SH2D4B: variants seen among roughly 807,000 people sequenced by gnomAD.
The protein encoded by SH2D4B is SH2 domain-containing protein 4B.
SH2D4B carries 45 observed loss-of-function variants against 61.5 expected under a neutral mutation model. The observed-to-expected ratio is 0.73, with a 90% CI of 0.58 to 0.94. The LOEUF (loss-of-function observed/expected upper bound fraction) is 0.94, where lower values mean the gene tolerates loss of function less well. SH2D4B is among the 40% of genes least tolerant of loss of function. The pLI, the probability that SH2D4B is intolerant of heterozygous loss-of-function variation, is 0.00. For synonymous variants in SH2D4B, 224 were observed against 220.4 expected (o/e 1.02, Z -0.14); for missense variants, 572 against 574.2 (o/e 1.00, Z 0.04).
Position 80,588,759 on chromosome 10 carries a change from C to A in SH2D4B, c.625C>A (p.Arg209=), listed in dbSNP as rs762413892. 1 of 1,613,862 alleles carries A rather than the reference C, an allele frequency of 6.2e-7. No individual in the cohort carries two copies. Among genetic ancestry groups the A allele is most frequent in the Non-Finnish European group, 8.5e-7 (1 of 1,180,020 alleles). The stretch of plus-strand genomic sequence containing the variant: ...TTGCCAAGCCAGTGAGAAAGAGGAG[C>A]GAGAGTGGGAAGAACAGTGTGAGTA... ...LHCQASEKEE[R]EWEEQLRRSK... Residue 209 remains arginine (R), a synonymous_variant, in exon 4 of 8, where the codon CGA becomes AGA. Coordinates refer to ENST00000646907, the MANE Select transcript of SH2D4B (RefSeq NM_001388272.1).
At chr10:80,540,934 G>GGGTC in intron 1 of SH2D4B, 2 of 1,535,834 alleles carry the variant, frequency 1.3e-6, no homozygotes, top group Non-Finnish European at 1.8e-6. Flanking sequence ...CCAGATGCTG[G>GGGTC]TGAGACCCCA....
chr10:80,556,963 C>A (rs1342233955), intron 1 of SH2D4B, among the ~76,000 whole-genome samples: 1 of 152,102 alleles, frequency 6.6e-6, no homozygotes, highest in East Asian at 1.9e-4. Context: ...AGCTAACAAC[C>A]TTGCCTGTTC....
chr10:80,598,016 T>C (rs1842405126), intron 4 of SH2D4B, among the ~76,000 whole-genome samples: 1 of 152,200 alleles, frequency 6.6e-6, no homozygotes, highest in Non-Finnish European at 1.5e-5. Flanking sequence ...AGCAAAGGTT[T>C]ATACTGACAA....
chr10:80,606,992 A>G (rs906027028), intron 5 of SH2D4B, among the ~76,000 whole-genome samples: 3 of 152,212 alleles, frequency 2.0e-5, no homozygotes, highest in African/African-American at 7.2e-5. Context: ...AGGGTTTATA[A>G]CAAGGGAAAA....
chr10:80,591,890 G>A (rs75379066), intron 4 of SH2D4B, among the ~76,000 whole-genome samples: 3,566 of 152,142 alleles, frequency 0.023, 55 homozygotes, highest in Non-Finnish European at 0.037. Context: ...TCCATGAAAG[G>A]ATTAATCCAT....
intron 7 of SH2D4B, among the ~76,000 whole-genome samples, chr10:80,634,828 G>T (rs1190013530): frequency 6.6e-6 from 1 of 152,142 alleles, no homozygotes; most frequent in Non-Finnish European, 1.5e-5. Flanking sequence ...CCAAGCCTGG[G>T]TCTCATCTCC....
chr10:80,634,557 G>T, intron 7 of SH2D4B, 52 bp downstream of exon 7: 1 of 1,538,012 alleles, frequency 6.5e-7, no homozygotes, highest in Non-Finnish European at 8.8e-7. Flanking sequence ...GTGGAAATTG[G>T]AGCTGAAGAG....
intron 7 of SH2D4B, among the ~76,000 whole-genome samples, chr10:80,635,272 C>T (rs1318784060): frequency 2.0e-5 from 3 of 152,104 alleles, no homozygotes; most frequent in South Asian, 2.1e-4. Flanking sequence ...TTCGTGTGGC[C>T]GTTGGCATCA....
intron 5 of SH2D4B, among the ~76,000 whole-genome samples, chr10:80,606,283 G>A (rs1214461326): frequency 1.4e-5 from 2 of 144,758 alleles, no homozygotes; most frequent in East Asian, 2.0e-4. Flanking sequence ...TTTTTTTTTA[G>A]TTTTGAGTAT....
chr10:80,639,883 C>T (rs182941538), intron 7 of SH2D4B, among the ~76,000 whole-genome samples: 11 of 152,136 alleles, frequency 7.2e-5, no homozygotes, highest in East Asian at 1.9e-4. Flanking sequence ...TTCGTAGCAT[C>T]GATGGTCTTT....
intron 6 of SH2D4B, among the ~76,000 whole-genome samples, chr10:80,617,581 G>T (rs7920575): frequency 0.02 from 3,064 of 152,236 alleles, 115 homozygotes; most frequent in African/African-American, 0.07. Context: ...CAAAACTGGT[G>T]CCTTCCCTAC....
rs749601744 is a variant in SH2D4B, at chr10:80,538,515, G to A, written c.184G>A (p.Ala62Thr). Residue 62 changes from alanine to threonine, a missense_variant and splice_region_variant, in exon 1 of 8, where the codon GCA becomes ACA. By Grantham distance (58) the Ala-to-Thr change is moderately conservative. Coordinates refer to ENST00000646907, the MANE Select transcript of SH2D4B (RefSeq NM_001388272.1). The surrounding 1 kb of genome is among the most constrained non-coding windows in gnomAD (Gnocchi z 4.8). ...EGLRPPKTKRAASDKHIQWLL... is the reference protein window; with the variant it reads ...EGLRPPKTKRTASDKHIQWLL... ...TCTCAGGCCTCCAAAGACCAAGCGA[G>A]GTACGTGGCTGGGAGTCACAGAGAG... 35 of 1,384,364 alleles carry A rather than the reference G, an allele frequency of 2.5e-5. No individual in the cohort carries two copies. Among genetic ancestry groups the A allele is most frequent in the Middle Eastern group, 2.7e-4 (1 of 3,704 alleles). The allele number at this position is 1,384,364 out of a possible 1,614,324, so 85.8% of individuals were successfully genotyped here.
chr10:80,634,357 G>A lies in SH2D4B; in HGVS notation c.1061G>A (p.Ser354Asn), dbSNP rs893349253. 6.5e-7 allele frequency: 1 copy of A among 1,550,370 alleles called. No homozygotes were observed. Among genetic ancestry groups the A allele is most frequent in the African/African-American group, 1.4e-5 (1 of 73,046 alleles). ...GAGGGAGCATTCCTGGTCCGGGTCA[G>A]TGAGAAAATCTGGGGTTACACCCTC... ...MTEGAFLVRV[S>N]EKIWGYTLSY... The change falls in exon 7 of 8, where the codon AGT becomes AAT. Residue 354 changes from serine to asparagine, a missense_variant. Physicochemically the swap from Ser to Asn is conservative, Grantham distance 46. Transcript: ENST00000646907.
In SH2D4B at chr10:80,538,337, G is replaced by A; in HGVS notation, c.6G>A (p.Leu2=). Residue 2 remains leucine (L), a synonymous_variant, in exon 1 of 8, where the codon CTG becomes CTA. Coordinates refer to ENST00000646907, the MANE Select transcript of SH2D4B (RefSeq NM_001388272.1). This position sits in a 1 kb window ranked among gnomAD's most constrained non-coding sequence, Gnocchi z 4.8. ...CGTGCATCCCAGGTGGCATCATGCT[G>A]CAGCAGATCCTGCACGACATGTACA... M[L]QQILHDMYID... 2 of 1,346,204 alleles carry A rather than the reference G, an allele frequency of 1.5e-6. No individual in the cohort carries two copies. The highest frequency in any genetic ancestry group is 2.0e-5 in the South Asian group (1 of 49,738). The allele number at this position is 1,346,204 out of a possible 1,614,324, so 83.4% of individuals were successfully genotyped here.
intron 1 of SH2D4B, among the ~76,000 whole-genome samples, chr10:80,549,931 G>A (rs557283443): frequency 6.6e-6 from 1 of 152,314 alleles, no homozygotes; most frequent in Non-Finnish European, 1.5e-5. Flanking sequence ...AGGGGTGAGG[G>A]TGGTTTCTGT....
intron 1 of SH2D4B, among the ~76,000 whole-genome samples, chr10:80,565,950 G>A (rs1841961716): frequency 6.6e-6 from 1 of 151,936 alleles, no homozygotes; most frequent in African/African-American, 2.4e-5. Flanking sequence ...AATTAGCCAG[G>A]CGTGGTGTTG....
intron 3 of SH2D4B, among the ~76,000 whole-genome samples, chr10:80,577,058 C>T (rs188886066): frequency 6.6e-5 from 10 of 152,336 alleles, no homozygotes; most frequent in South Asian, 4.1e-4. Flanking sequence ...TGAGCCACTG[C>T]GCCTGGACTG....
rs1176806720 is a variant in SH2D4B at position 80,606,250 on chromosome 10, A to G, written c.860+2455A>G. Among the ~76,000 whole-genome samples, 3 of 149,638 alleles carry G rather than the reference A, an allele frequency of 2.0e-5. No individual in the cohort carries two copies. The South Asian group carries it at 6.3e-4, about 32-fold the overall frequency. On this transcript the variant is annotated intron_variant, in intron 5 of 7. Transcript: ENST00000646907. ...GGCCAAGTGGCCTCGTGGAATACAC[A>G]TCTAGTATTTATACTCTTTTTTTTT...
intron 6 of SH2D4B, among the ~76,000 whole-genome samples, chr10:80,630,778 G>GT (rs1357490026): frequency 9.2e-5 from 14 of 152,338 alleles, no homozygotes; most frequent in Admixed American, 2.6e-4. Flanking sequence ...GTCAGCTGGA[G>GT]TGAAGGGGGC....
Sources: allele counts gnomAD v4.1 joint callset (sites outside exome capture counted in the v4.1 genomes callset), GRCh38; gene constraint gnomAD v4.1.1; non-coding constraint Gnocchi (gnomAD v3.1); transcripts MANE v1.5; gene names NCBI Gene and HGNC (gene_info 2026-07-23, HGNC 2026-07-21).